The following SLC2A12 variants were observed in gnomAD, a reference collection of about 807,000 sequenced individuals.
SLC2A12 encodes the protein solute carrier family 2, facilitated glucose transporter member 12.
In SLC2A12, 23 loss-of-function variants were observed where a neutral mutation model predicts 41.8. The ratio of observed to expected loss-of-function variants is 0.55; its 90% confidence interval spans 0.40 to 0.78. The LOEUF is 0.78. Ranked by LOEUF, SLC2A12 falls within the 30% of genes least tolerant of loss-of-function variation. The pLI is 0.00. For missense variants in SLC2A12, 654 were observed against 745.6 expected (o/e 0.88, Z 1.43); for synonymous variants, 295 against 285.9 (o/e 1.03, Z -0.32).
chr6:134,029,744 G>C (rs775591617), intron 1 of SLC2A12, 23 bp from the exon 2 acceptor site: 4 of 1,576,218 alleles, frequency 2.5e-6, no homozygotes, highest in Non-Finnish European at 3.4e-6. Flanking sequence ...AGAAGAGACA[G>C]GGAGGTCAGT....
chr6:134,016,801 A>T (rs1303726045), intron 2 of SLC2A12, among the ~76,000 whole-genome samples: 4 of 152,206 alleles, frequency 2.6e-5, no homozygotes, highest in Non-Finnish European at 5.9e-5. Context: ...ACTATTATCA[A>T]CTTTAGATTG....
At chr6:134,026,805 A>C (rs1423902506) in intron 2 of SLC2A12, among the ~76,000 whole-genome samples, 2 of 152,224 alleles carry the variant, frequency 1.3e-5, no homozygotes, top group Non-Finnish European at 2.9e-5. Context: ...ACCATGACCC[A>C]ATCTTGCCAC....
intron 1 of SLC2A12, among the ~76,000 whole-genome samples, chr6:134,032,199 G>A (rs1327369365): frequency 1.3e-5 from 2 of 151,650 alleles, no homozygotes; most frequent in African/African-American, 4.9e-5. Context: ...GGAATTGGCA[G>A]CCCCAAAAAT....
chr6:134,047,992 A>G (rs1777481853), intron 1 of SLC2A12, among the ~76,000 whole-genome samples: 1 of 152,146 alleles, frequency 6.6e-6, no homozygotes, highest in Non-Finnish European at 1.5e-5. Context: ...TCTCTGGGTG[A>G]CACATCCTTA....
At chr6:134,006,200 A>AAAAAAC (rs1776814290) in intron 3 of SLC2A12, among the ~76,000 whole-genome samples, 1 of 151,370 alleles carries the variant, frequency 6.6e-6, no homozygotes, top group East Asian at 1.9e-4. Flanking sequence ...AAACAAAAAA[A>AAAAAAC]AAAACAGAGA....
intron 2 of SLC2A12, among the ~76,000 whole-genome samples, chr6:134,021,629 C>G (rs568330517): frequency 1.3e-5 from 2 of 152,168 alleles, no homozygotes; most frequent in African/African-American, 4.8e-5. Flanking sequence ...ATGCCCATTA[C>G]ATAGATTAGA....
At chr6:134,016,032 A>T (rs1475891759) in intron 2 of SLC2A12, among the ~76,000 whole-genome samples, 1 of 152,150 alleles carries the variant, frequency 6.6e-6, no homozygotes, top group East Asian at 1.9e-4. Flanking sequence ...AAAGAAAGAC[A>T]TTTGAGTTTT....
chr6:134,049,323 C>A (rs1773640715), intron 1 of SLC2A12, among the ~76,000 whole-genome samples: 1 of 152,100 alleles, frequency 6.6e-6, no homozygotes, highest in Non-Finnish European at 1.5e-5. Flanking sequence ...GTTTTCTGAA[C>A]CTTTGGACAG....
At position 134,014,736 on chromosome 6, in the gene SLC2A12, T is replaced by C; in HGVS notation, c.1445-7802A>G. Among the ~76,000 whole-genome samples, 2 of 152,216 alleles carry C rather than the reference T, an allele frequency of 1.3e-5. 1 individual carries two copies. The highest frequency in any genetic ancestry group is 3.8e-4 in the East Asian group (2 of 5,198). ...ATCTTTTACAGTCCAATATTTATCA[T>C]TTTCAAGGTCATAGAACTGTAATTG... is the stretch of plus-strand genomic sequence containing the variant. On this transcript the variant is annotated intron_variant, in intron 2 of 4. Transcript: ENST00000275230.
intron 1 of SLC2A12, among the ~76,000 whole-genome samples, chr6:134,044,575 G>A (rs867114544): frequency 6.6e-6 from 1 of 151,926 alleles, no homozygotes; most frequent in Non-Finnish European, 1.5e-5. Context: ...TTAGCAGGAT[G>A]TGGTGGCAGG....
At chr6:134,015,858 T>C (rs1776953985) in intron 2 of SLC2A12, among the ~76,000 whole-genome samples, 1 of 152,190 alleles carries the variant, frequency 6.6e-6, no homozygotes, top group Non-Finnish European at 1.5e-5. Context: ...GCCAGAGTTA[T>C]TTGTTTAAAT....
At chr6:134,031,501 G>A (rs1777207393) in intron 1 of SLC2A12, among the ~76,000 whole-genome samples, 2 of 152,142 alleles carry the variant, frequency 1.3e-5, no homozygotes, top group African/African-American at 4.8e-5. Context: ...ATGGCTCTGT[G>A]GCTTGAGCAG....
intron 1 of SLC2A12, among the ~76,000 whole-genome samples, chr6:134,039,850 C>A (rs1428697563): frequency 6.6e-6 from 1 of 151,602 alleles, no homozygotes. Flanking sequence ...TGTGTGGCCC[C>A]TCTCCCTCCA....
chr6:134,019,363 T>C (rs9389128), intron 2 of SLC2A12, among the ~76,000 whole-genome samples: 38,665 of 152,092 alleles, frequency 0.25, 5,521 homozygotes, highest in East Asian at 0.42. Flanking sequence ...AGCATGAATA[T>C]AAAAATCTTC....
chr6:133,995,528 G>A (rs1285207352), intron 4 of SLC2A12, among the ~76,000 whole-genome samples: 2 of 152,176 alleles, frequency 1.3e-5, no homozygotes, highest in African/African-American at 4.8e-5. Flanking sequence ...AAGTGATCTG[G>A]AACATGTGTC....
At chr6:134,048,034 C>T (rs1367496538) in intron 1 of SLC2A12, among the ~76,000 whole-genome samples, 3 of 152,196 alleles carry the variant, frequency 2.0e-5, no homozygotes, top group Admixed American at 2.0e-4. Flanking sequence ...GCGTACGATG[C>T]ATAGCACCCA....
intron 2 of SLC2A12, among the ~76,000 whole-genome samples, chr6:134,014,151 G>A (rs1016292618): frequency 2.6e-5 from 4 of 152,172 alleles, no homozygotes; most frequent in Admixed American, 2.0e-4. Context: ...GTATGGTTTC[G>A]GGATGATTCA....
chr6:133,990,383 T>C lies in SLC2A12; in HGVS notation c.*772A>G, dbSNP rs1473261119. ...CCTAATGGCCTGACTCCTTTTCTAA[T>C]GTTTTACTAACAGCTACTTCTAAAT... On this transcript the variant is annotated 3_prime_UTR_variant, in exon 5 of 5. Transcript: ENST00000275230. 2 of 152,636 alleles carry C rather than the reference T, an allele frequency of 1.3e-5. No individual in the cohort carries two copies. Among genetic ancestry groups the C allele is most frequent in the Non-Finnish European group, 2.9e-5 (2 of 68,038 alleles). The allele number at this position is 152,636 out of a possible 1,614,324, so 9.5% of individuals were successfully genotyped here. A position where few individuals can be genotyped will look rare whatever the true frequency, so the allele number is the denominator to read the frequency against.
chr6:133,997,733 C>T (rs896281686), intron 4 of SLC2A12, among the ~76,000 whole-genome samples: 6 of 152,256 alleles, frequency 3.9e-5, no homozygotes, highest in Middle Eastern at 3.4e-3. Context: ...GTCATTCATA[C>T]TCCAAACCTC....
Sources: allele counts gnomAD v4.1 joint callset (sites outside exome capture counted in the v4.1 genomes callset), GRCh38; gene constraint gnomAD v4.1.1; transcripts MANE v1.5; gene names NCBI Gene and HGNC (gene_info 2026-07-23, HGNC 2026-07-21).